Variants in PDLIM1 observed in about 807,000 individuals in gnomAD.
The protein encoded by PDLIM1 is PDZ and LIM domain 1.
PDLIM1 carries 25 observed loss-of-function variants against 35.2 expected under a neutral mutation model. That is an observed-to-expected ratio of 0.71 (90% CI 0.52 to 0.99). PDLIM1 has a LOEUF of 0.99. PDLIM1 is among the 50% of genes least tolerant of loss of function. The pLI, the probability that PDLIM1 is intolerant of heterozygous loss-of-function variation, is 0.00. For missense variants in PDLIM1, 363 were observed against 415.3 expected (o/e 0.87, Z 1.09); for synonymous variants, 152 against 154.0 (o/e 0.99, Z 0.10).
intron 4 of PDLIM1, among the ~76,000 whole-genome samples, chr10:95,249,085 C>A (rs1484323396): frequency 6.6e-6 from 1 of 152,238 alleles, no homozygotes; most frequent in Non-Finnish European, 1.5e-5. Context: ...CTGTCTTGCT[C>A]CCCATCACAT....
chr10:95,239,450 T>A (rs1404752819), intron 5 of PDLIM1, among the ~76,000 whole-genome samples: 2 of 152,148 alleles, frequency 1.3e-5, no homozygotes, highest in Admixed American at 6.5e-5. Context: ...AATCTATCCA[T>A]CTGACAAAGG....
intron 4 of PDLIM1, among the ~76,000 whole-genome samples, chr10:95,252,331 A>G (rs938501434): frequency 4.6e-5 from 7 of 152,198 alleles, no homozygotes; most frequent in South Asian, 2.1e-4. Flanking sequence ...AGTGGCCCCA[A>G]TGACCTCAGG....
chr10:95,243,069 G>A (rs1354079042), intron 5 of PDLIM1, among the ~76,000 whole-genome samples: 1 of 152,166 alleles, frequency 6.6e-6, no homozygotes, highest in Non-Finnish European at 1.5e-5. Flanking sequence ...AAAGCCAGGA[G>A]GGACATGAAA....
intron 1 of PDLIM1, among the ~76,000 whole-genome samples, chr10:95,280,649 A>G (rs1430834619): frequency 1.3e-5 from 2 of 152,148 alleles, no homozygotes; most frequent in African/African-American, 2.4e-5. Context: ...ATATTTGTCA[A>G]ATGGTTTAAA....
Position 95,264,019 on chromosome 10 carries a change from G to A in PDLIM1, c.378C>T (p.Pro126=), listed in dbSNP as rs778254059. Residue 126 remains proline, a synonymous_variant, in exon 4 of 7, where the codon CCC becomes CCT. Coordinates refer to ENST00000329399, the MANE Select transcript of PDLIM1 (RefSeq NM_020992.4). ...TGCTGGAGGCAGGCGAGGCGGTAAA[G>A]GGCATGGCACTTCGGTTGTGGGCGC... ...IGSAHNRSAM[P]FTASPASSTT... is the part of the protein sequence containing the mutation. The A allele has an allele frequency of 1.5e-5, 24 of 1,613,674 alleles. No individual in the cohort carries two copies. In the South Asian group the frequency reaches 2.5e-4, roughly 17 times the overall value.
chr10:95,276,635 A>G (rs2035513751), intron 1 of PDLIM1, among the ~76,000 whole-genome samples: 1 of 152,210 alleles, frequency 6.6e-6, no homozygotes, highest in African/African-American at 2.4e-5. Context: ...CAAGCATGAC[A>G]AAGTCTTTAG....
At chr10:95,255,416 G>A (rs370012151) in intron 4 of PDLIM1, among the ~76,000 whole-genome samples, 48 of 150,070 alleles carry the variant, frequency 3.2e-4, no homozygotes, top group African/African-American at 1.1e-3. Context: ...AAATTCAACA[G>A]CATATTAAAA....
intron 1 of PDLIM1, among the ~76,000 whole-genome samples, chr10:95,280,186 G>C (rs188758888): frequency 4.6e-5 from 7 of 152,138 alleles, no homozygotes; most frequent in African/African-American, 1.4e-4. Flanking sequence ...GACCAGCCTG[G>C]CCAACATGGC....
chr10:95,240,759 T>C (rs1351170517), intron 5 of PDLIM1, among the ~76,000 whole-genome samples: 1 of 152,042 alleles, frequency 6.6e-6, no homozygotes, highest in Non-Finnish European at 1.5e-5. Context: ...AACAATCATC[T>C]CCTACAGAGC....
chr10:95,237,583 T>C lies in PDLIM1; in HGVS notation c.*342A>G, dbSNP rs1169901737. The C allele has an allele frequency of 1.9e-5, 5 of 256,520 alleles. No individual in the cohort carries two copies. Among genetic ancestry groups the C allele is most frequent in the Non-Finnish European group, 3.0e-5 (4 of 132,814 alleles). 15.9% of individuals were successfully genotyped at this position (256,520 alleles called of 1,614,324 possible). A position where few individuals can be genotyped will look rare whatever the true frequency, so the allele number is the denominator to read the frequency against. ...AGACACCACACTGCTTTGTAGTCTA[T>C]ACATTTATTGAGTAAAAACAAAATC... On this transcript the variant is annotated 3_prime_UTR_variant, in exon 7 of 7. Transcript: ENST00000329399.
At chr10:95,264,683 T>C (rs1006652631) in intron 3 of PDLIM1, among the ~76,000 whole-genome samples, 1 of 152,182 alleles carries the variant, frequency 6.6e-6, no homozygotes, top group Admixed American at 6.5e-5. Context: ...AGGTCGGGGA[T>C]ACCTGTTACA....
Position 95,264,017 on chromosome 10 carries a change from A to T in PDLIM1, c.380T>A (p.Phe127Tyr). ...AGTGCTGGAGGCAGGCGAGGCGGTA[A>T]AGGGCATGGCACTTCGGTTGTGGGC... ...GSAHNRSAMP[F>Y]TASPASSTTA... Residue 127 changes from phenylalanine (F) to tyrosine (Y), a missense_variant, in exon 4 of 7, where the codon TTT becomes TAT. Coordinates refer to ENST00000329399, the MANE Select transcript of PDLIM1 (RefSeq NM_020992.4). 6.2e-7 allele frequency: 1 copy of T among 1,613,770 alleles called. No homozygotes were observed.
chr10:95,266,198 C>A (rs7923547), intron 3 of PDLIM1, among the ~76,000 whole-genome samples: 92,099 of 151,910 alleles, frequency 0.61, 29,397 homozygotes, highest in Non-Finnish European at 0.7. Flanking sequence ...CTCCATCTCA[C>A]AAATAAAAAA....
rs1289592470 is a variant in PDLIM1 at position 95,290,516 on chromosome 10, T to C, written c.96+304A>G. Among the ~76,000 whole-genome samples, 1 of 152,062 alleles carries C rather than the reference T, an allele frequency of 6.6e-6. No homozygotes were observed. The highest frequency in any genetic ancestry group is 2.4e-5 in the African/African-American group (1 of 41,420). On this transcript the variant is annotated intron_variant, in intron 1 of 6. Transcript: ENST00000329399. The surrounding 1 kb of genome is among the most constrained non-coding windows in gnomAD (Gnocchi z 4.7). ...GCGGGGACCCTCGTCCCCTCGCTGG[T>C]TGACAAAGAACTAACACCCGCCCCG...
intron 1 of PDLIM1, among the ~76,000 whole-genome samples, chr10:95,283,981 C>CTCTGTG (rs143926521): frequency 0.024 from 3,635 of 150,258 alleles, 64 homozygotes; most frequent in Middle Eastern, 0.099. Flanking sequence ...GCCTTTTTCT[C>CTCTGTG]TGTGTGTGTG....
chr10:95,271,720 T>A lies in PDLIM1; in HGVS notation c.161A>T (p.Asp54Val), dbSNP rs1200200225. 3.7e-6 allele frequency: 6 copies of A among 1,612,828 alleles called. No homozygotes were observed. The highest frequency in any genetic ancestry group is 4.2e-6 in the Non-Finnish European group (5 of 1,179,520). ...LCIGDVITAIDGENTSNMTHL... is the reference protein window; with the variant it reads ...LCIGDVITAIVGENTSNMTHL... ...TGTCATATTGCTAGTATTTTCCCCA[T>A]CAATGGCTGTGATTACATCTCCAAT... is the stretch of plus-strand genomic sequence containing the variant. The change falls in exon 2 of 7, where the codon GAT becomes GTT. Residue 54 changes from aspartate to valine, a missense_variant. By Grantham distance (152) the Asp-to-Val change is radical. Transcript: ENST00000329399.
chr10:95,286,695 T>C (rs965125510), intron 1 of PDLIM1, among the ~76,000 whole-genome samples: 2 of 152,236 alleles, frequency 1.3e-5, no homozygotes, highest in African/African-American at 2.4e-5. Context: ...TCCTATCCTT[T>C]ACAAGGAAGT....
chr10:95,275,412 T>C (rs34976996), intron 1 of PDLIM1, among the ~76,000 whole-genome samples: 31,380 of 152,146 alleles, frequency 0.21, 3,282 homozygotes, highest in Middle Eastern at 0.3. Context: ...TGGGCAAGAA[T>C]CCACTGGGCA....
intron 3 of PDLIM1, among the ~76,000 whole-genome samples, chr10:95,266,471 G>T (rs1301711858): frequency 6.6e-6 from 1 of 152,078 alleles, no homozygotes; most frequent in African/African-American, 2.4e-5. Flanking sequence ...CCAAGGAAGG[G>T]TCTTTATTTT....
Sources: gnomAD v4.1 joint callset for allele counts (sites outside exome capture counted in the v4.1 genomes callset) on GRCh38, gnomAD v4.1.1 for gene constraint, Gnocchi (gnomAD v3.1) non-coding constraint, MANE v1.5 for transcripts, NCBI Gene and HGNC (gene_info 2026-07-23, HGNC 2026-07-21) for gene names.